SMCHD1: variants seen among roughly 807,000 people sequenced by gnomAD.
The protein encoded by SMCHD1 is structural maintenance of chromosomes flexible hinge domain containing 1.
In SMCHD1, 78 loss-of-function variants were observed where a neutral mutation model predicts 254.7. The ratio of observed to expected loss-of-function variants is 0.31; its 90% CI spans 0.26 to 0.37. The LOEUF (loss-of-function observed/expected upper bound fraction) is 0.37, where lower values mean the gene tolerates loss of function less well. Ranked by LOEUF, SMCHD1 falls within the 10% of genes least tolerant of loss-of-function variation. The probability of loss-of-function intolerance (pLI) is 1.00; values close to 1 mark genes in which losing one functional copy is unlikely to be tolerated. For synonymous variants in SMCHD1, 766 were observed against 794.9 expected, an observed-to-expected ratio of 0.96 and a Z score of 0.61; for missense variants, 1,840 against 2,408.1, an observed-to-expected ratio of 0.76 and a Z score of 4.94.
intron 13 of SMCHD1, among the ~76,000 whole-genome samples, 158 bp downstream of exon 13, chr18:2,704,044 C>T (rs2074460896): frequency 6.6e-6 from 1 of 152,044 alleles, no homozygotes; most frequent in African/African-American, 2.4e-5. Flanking sequence ...TCTTCACAGG[C>T]CTGTTTGACA....
At chr18:2,711,739 C>T (rs1380930328) in intron 17 of SMCHD1, among the ~76,000 whole-genome samples, 1 of 152,016 alleles carries the variant, frequency 6.6e-6, no homozygotes, top group Non-Finnish European at 1.5e-5. Context: ...GCCTCGGCCT[C>T]CCAAAGTGCT....
At chr18:2,751,960 T>C (rs2075581651) in intron 33 of SMCHD1, among the ~76,000 whole-genome samples, 1 of 152,168 alleles carries the variant, frequency 6.6e-6, no homozygotes, top group Admixed American at 6.5e-5. Context: ...ACCAAGTCTA[T>C]GAAATTTGGT....
At chr18:2,793,621 C>T (rs538815932) in intron 45 of SMCHD1, among the ~76,000 whole-genome samples, 44 of 142,050 alleles carry the variant, frequency 3.1e-4, no homozygotes, top group Non-Finnish European at 5.5e-4. Flanking sequence ...GCCAAGATCG[C>T]GCCACTGCAC....
intron 34 of SMCHD1, among the ~76,000 whole-genome samples, chr18:2,755,754 A>G (rs2075665781): frequency 1.3e-5 from 2 of 150,720 alleles, no homozygotes. Context: ...TTTTTAGTAG[A>G]GACAGGGTTT....
chr18:2,656,721 C>T (rs920035317), intron 1 of SMCHD1, among the ~76,000 whole-genome samples: 3 of 152,216 alleles, frequency 2.0e-5, no homozygotes, highest in Non-Finnish European at 4.4e-5. Flanking sequence ...GGAGTCATCT[C>T]CCCCAAGTTC....
rs1293553251 is a variant in SMCHD1, at chr18:2,728,616, T to C, written c.2913+20T>C. ...TGTAAGGTAAGCTTATTGGAAGATATTTAGATTGAGTCCCATTGTAGTAAG... is the reference window on the plus strand; with the variant it reads ...TGTAAGGTAAGCTTATTGGAAGATACTTAGATTGAGTCCCATTGTAGTAAG... On this transcript the variant is annotated intron_variant, in intron 23 of 47. Transcript: ENST00000320876. 18 of 1,606,604 alleles carry C rather than the reference T, an allele frequency of 1.1e-5. No homozygotes were observed. Among genetic ancestry groups the C allele is most frequent in the Admixed American group, 1.7e-5 (1 of 59,072 alleles).
intron 1 of SMCHD1, among the ~76,000 whole-genome samples, chr18:2,663,098 C>T (rs2073341149): frequency 6.6e-6 from 1 of 152,086 alleles, no homozygotes; most frequent in Non-Finnish European, 1.5e-5. Flanking sequence ...TTCTTTATGA[C>T]TTGTGCTATT....
At chr18:2,787,876 T>C (rs1411828481) in intron 45 of SMCHD1, among the ~76,000 whole-genome samples, 3 of 152,192 alleles carry the variant, frequency 2.0e-5, no homozygotes, top group African/African-American at 7.2e-5. Flanking sequence ...GGAAGGAAAC[T>C]GGAAGAAATC....
intron 26 of SMCHD1, among the ~76,000 whole-genome samples, chr18:2,738,990 A>G (rs958077662): frequency 1.8e-4 from 28 of 152,174 alleles, no homozygotes; most frequent in Admixed American, 1.7e-3. Flanking sequence ...TGGCCTATCA[A>G]TTTCTTGGCC....
chr18:2,696,472 C>T (rs1598329652), intron 8 of SMCHD1, among the ~76,000 whole-genome samples: 1 of 152,138 alleles, frequency 6.6e-6, no homozygotes, highest in Admixed American at 6.5e-5. Context: ...TAGTGCTTGT[C>T]GATCTGAGGT....
chr18:2,763,685 G>T lies in SMCHD1; in HGVS notation c.4615G>T (p.Ala1539Ser), dbSNP rs372853279. The T allele has an allele frequency of 7.5e-6, 12 of 1,602,842 alleles. No homozygotes were observed. The highest frequency in any genetic ancestry group is 1.0e-5 in the Non-Finnish European group (12 of 1,175,268). ...TGIDLVGTII[A>S]TIKGSNEEDT... ...AATTGATTTGGTTGGCACTATAATA[G>T]CCACCATTAAAGGCTCTAATGAGGA... Residue 1539 changes from alanine (A) to serine (S), a missense_variant, in exon 37 of 48, where the codon GCC becomes TCC. Around this residue, in one of 9 missense-constraint regions of SMCHD1, gnomAD observed 881 missense variants for 1,009.5 expected, o/e 0.87. Transcript: ENST00000320876.
intron 3 of SMCHD1, among the ~76,000 whole-genome samples, chr18:2,667,733 A>G (rs2073478213): frequency 6.6e-6 from 1 of 152,124 alleles, no homozygotes; most frequent in African/African-American, 2.4e-5. Flanking sequence ...AGACCTTTTC[A>G]TATTATTTGA....
intron 7 of SMCHD1, among the ~76,000 whole-genome samples, chr18:2,690,028 T>A (rs184830807): frequency 3.9e-5 from 6 of 152,060 alleles, no homozygotes; most frequent in Admixed American, 1.3e-4. Context: ...CAATAAAAAA[T>A]TTTTAAAAGG....
intron 44 of SMCHD1, among the ~76,000 whole-genome samples, chr18:2,779,980 C>T (rs2076127411): frequency 6.6e-6 from 1 of 152,132 alleles, no homozygotes; most frequent in Admixed American, 6.5e-5. Flanking sequence ...TGGCTCCTGC[C>T]TGTAATCCCA....
At position 2,718,620 on chromosome 18, in the gene SMCHD1, A is replaced by T. The variant is rs370713897; in HGVS notation, c.2458+186A>T. Among the ~76,000 whole-genome samples, 1 of 152,168 alleles carries T rather than the reference A, an allele frequency of 6.6e-6. No individual in the cohort carries two copies. The highest frequency in any genetic ancestry group is 2.4e-5 in the African/African-American group (1 of 41,434). ...ACCCAGGCTGGAGTGCAGTGGCACA[A>T]TCTCGGCTCACTGCAACCTCCGCTT... On this transcript the variant is annotated intron_variant, in intron 19 of 47. Coordinates refer to ENST00000320876, the MANE Select transcript of SMCHD1 (RefSeq NM_015295.3). This position sits in a 1 kb window ranked among gnomAD's most constrained non-coding sequence, Gnocchi z 4.6.
intron 5 of SMCHD1, among the ~76,000 whole-genome samples, 170 bp from the exon 6 acceptor site, chr18:2,688,224 A>G (rs2074096281): frequency 1.3e-5 from 2 of 152,248 alleles, no homozygotes; most frequent in Non-Finnish European, 2.9e-5. Context: ...CCTGGGGACT[A>G]CACTTTGAGA....
intron 17 of SMCHD1, among the ~76,000 whole-genome samples, chr18:2,708,941 A>C (rs2074599888): frequency 7.8e-6 from 1 of 128,976 alleles, no homozygotes; most frequent in Non-Finnish European, 1.6e-5. Context: ...AAGTGGCATT[A>C]AGTACATTCA....
intron 16 of SMCHD1, 70 bp from the exon 17 acceptor site, chr18:2,707,737 A>G: frequency 6.8e-7 from 1 of 1,473,444 alleles, no homozygotes; most frequent in Non-Finnish European, 9.4e-7. Flanking sequence ...ATTAAAATGC[A>G]ATGGGAAGAT....
intron 1 of SMCHD1, among the ~76,000 whole-genome samples, chr18:2,658,943 T>C (rs2073162693): frequency 6.9e-6 from 1 of 144,624 alleles, no homozygotes. Context: ...TACACATATA[T>C]ATACACACAC....
Sources: allele counts gnomAD v4.1 joint callset (sites outside exome capture counted in the v4.1 genomes callset), GRCh38; gene constraint gnomAD v4.1.1; regional missense constraint gnomAD v4.1.1; non-coding constraint Gnocchi (gnomAD v3.1); transcripts MANE v1.5; gene names NCBI Gene and HGNC (gene_info 2026-07-23, HGNC 2026-07-21).